Variants in AGBL2 observed in about 807,000 individuals in gnomAD.
AGBL2 encodes cytosolic carboxypeptidase 2.
In AGBL2, 87 loss-of-function variants were observed where a neutral mutation model predicts 103.0. The ratio of observed to expected loss-of-function variants is 0.84; its 90% CI spans 0.71 to 1.01. The LOEUF is 1.01. AGBL2 is among the 50% of genes least tolerant of loss of function. The pLI, the probability that AGBL2 is intolerant of heterozygous loss-of-function variation, is 0.00. For missense variants in AGBL2, 904 were observed against 1,023.5 expected (o/e 0.88, Z 1.59); for synonymous variants, 335 against 356.7 (o/e 0.94, Z 0.69).
In AGBL2 at chr11:47,690,829, C is replaced by A. The variant is rs750247007; in HGVS notation, c.878G>T (p.Arg293Leu). ...GTGTTTGTTAGTGTAGAGGTCAGTT[C>A]GCAAGGTGAGTTCATACTCATAGGT... ...VDTYEYELTL[R>L]TDLYTNKHTQ... Residue 293 changes from arginine to leucine, a missense_variant, in exon 10 of 19, where the codon CGA (arginine) becomes CTA (leucine). By Grantham distance (102) the Arg-to-Leu change is moderately radical. Coordinates refer to ENST00000525123, the MANE Select transcript of AGBL2 (RefSeq NM_024783.4). The A allele has an allele frequency of 5.0e-6, 8 of 1,611,898 alleles. No individual in the cohort carries two copies. The African/African-American group carries it at 6.7e-5, about 13-fold the overall frequency.
chr11:47,662,168 A>T (rs956999004), intron 18 of AGBL2, among the ~76,000 whole-genome samples: 7 of 151,660 alleles, frequency 4.6e-5, no homozygotes, highest in African/African-American at 9.7e-5. Flanking sequence ...TAAAGTTTTT[A>T]TATTTTATTT....
At chr11:47,692,034 C>T in intron 9 of AGBL2, 69 bp downstream of exon 9, 1 of 1,392,370 alleles carries the variant, frequency 7.2e-7, no homozygotes, top group Non-Finnish European at 9.7e-7. Flanking sequence ...ACTTCTGATT[C>T]CTAATATCAT....
chr11:47,663,133 C>T (rs778885870), intron 17 of AGBL2, 21 bp from the exon 18 acceptor site: 4 of 1,512,552 alleles, frequency 2.6e-6, no homozygotes, highest in African/African-American at 1.4e-5. Context: ...TGAACATATC[C>T]TCACTAAATT....
chr11:47,705,622 C>G lies in AGBL2; in HGVS notation c.299G>C (p.Cys100Ser), dbSNP rs1599086319. ...GCCGCGCCACTGCATCCAGCCCAGG[C>G]AAGAGTGAAAGTCTGTGTCAAAAAA... ...IEAINRDFHSCLGWMQWRGLS... is the reference protein window; with the variant it reads ...IEAINRDFHSSLGWMQWRGLS... Residue 100 changes from cysteine (C) to serine (S), a missense_variant, in exon 6 of 19, where the codon TGC (cysteine) becomes TCC (serine). Cys to Ser is a moderately radical substitution (Grantham distance 112). Transcript: ENST00000525123. The G allele has an allele frequency of 2.0e-6, 1 of 489,166 alleles. No individual in the cohort carries two copies. The allele number at this position is 489,166 out of a possible 1,614,324, so 30.3% of individuals were successfully genotyped here.
intron 12 of AGBL2, among the ~76,000 whole-genome samples, chr11:47,681,558 C>A (rs1471466753): frequency 6.6e-6 from 1 of 152,102 alleles, no homozygotes; most frequent in African/African-American, 2.4e-5. Context: ...ACCTTCACCT[C>A]CCGGGTTCAA....
At chr11:47,678,330 A>ATTATTTTTTTTTTTTT (rs1565026506) in intron 13 of AGBL2, among the ~76,000 whole-genome samples, 13 of 114,498 alleles carry the variant, frequency 1.1e-4, no homozygotes, top group South Asian at 8.1e-4. Flanking sequence ...ATTTTATTTT[A>ATTATTTTTTTTTTTTT]TTTTATTATT....
chr11:47,705,393 C>A, intron 6 of AGBL2, 128 bp downstream of exon 6: 1 of 167,526 alleles, frequency 6.0e-6, no homozygotes, highest in Non-Finnish European at 1.3e-5. Context: ...AGCCTGTAAT[C>A]CCAGAACTTT....
Position 47,679,971 on chromosome 11 carries a change from A to G in AGBL2, c.2016+2T>C. 1 of 1,586,834 alleles carries G rather than the reference A, an allele frequency of 6.3e-7. No individual in the cohort carries two copies. Among genetic ancestry groups the G allele is most frequent in the Non-Finnish European group, 8.6e-7 (1 of 1,157,196 alleles). ...TCACATTTCTTGAAACCCCATTTTT[A>G]CCTTCATTTGGTCAGGATCACAAAA... On this transcript the variant is annotated splice_donor_variant, in intron 13 of 18. Transcript: ENST00000525123. LOFTEE classifies it high-confidence loss of function.
intron 8 of AGBL2, among the ~76,000 whole-genome samples, chr11:47,696,640 T>C (rs1421575183): frequency 6.6e-6 from 1 of 152,202 alleles, no homozygotes; most frequent in Non-Finnish European, 1.5e-5. Context: ...TTTTATTTCT[T>C]CCTTGAGTCA....
chr11:47,705,708 G>A, intron 5 of AGBL2, 74 bp from the exon 6 acceptor site: 1 of 646,622 alleles, frequency 1.5e-6, no homozygotes, highest in Admixed American at 2.4e-5. Flanking sequence ...AAATGGAAAT[G>A]AAAGGGGGAA....
chr11:47,671,413 G>C lies in AGBL2; in HGVS notation c.2148-2506C>G, dbSNP rs538248409. Among the ~76,000 whole-genome samples, 5 of 152,180 alleles carry C rather than the reference G, an allele frequency of 3.3e-5. No homozygotes were observed. In the East Asian group the frequency reaches 9.7e-4, roughly 29 times the overall value. ...CGGGTGCCTGTAATTCCAGCTACTC[G>C]GGAGGCTGAGGCATGAGAATTGCTT... On this transcript the variant is annotated intron_variant, in intron 14 of 18. Coordinates refer to ENST00000525123, the MANE Select transcript of AGBL2 (RefSeq NM_024783.4).
At chr11:47,690,938 T>A in intron 9 of AGBL2, 80 bp from the exon 10 acceptor site, 8 of 1,149,142 alleles carry the variant, frequency 7.0e-6, no homozygotes, top group Non-Finnish European at 7.3e-6. Flanking sequence ...TGTTTTCTCC[T>A]GGTAAAAACA....
intron 10 of AGBL2, among the ~76,000 whole-genome samples, chr11:47,688,486 A>G (rs1296392270): frequency 6.6e-6 from 1 of 152,156 alleles, no homozygotes; most frequent in Non-Finnish European, 1.5e-5. Context: ...TCTTTGTCTC[A>G]TGATCACCCA....
intron 18 of AGBL2, among the ~76,000 whole-genome samples, chr11:47,661,228 A>G (rs2097327184): frequency 6.6e-6 from 1 of 152,108 alleles, no homozygotes; most frequent in Admixed American, 6.6e-5. Context: ...TTCATCCACT[A>G]CACTGGATTT....
intron 4 of AGBL2, among the ~76,000 whole-genome samples, chr11:47,707,431 AGTCAT>A (rs2097524561): frequency 6.6e-6 from 1 of 152,174 alleles, no homozygotes; most frequent in Non-Finnish European, 1.5e-5. Flanking sequence ...AGGAGGAGCA[AGTCAT>A]GTCTTAAATA....
intron 9 of AGBL2, 66 bp from the exon 10 acceptor site, chr11:47,690,924 ATGT>A (rs1370888637): frequency 1.3e-5 from 17 of 1,340,514 alleles, no homozygotes; most frequent in Non-Finnish European, 1.5e-5. Context: ...AATTGGGAAA[ATGT>A]TGTTTTCTCC....
intron 4 of AGBL2, 191 bp downstream of exon 4, chr11:47,710,186 C>A: frequency 1.5e-6 from 1 of 659,736 alleles, no homozygotes; most frequent in Non-Finnish European, 2.5e-6. Context: ...CCATGCCCGG[C>A]TAGAAAATAC....
intron 17 of AGBL2, among the ~76,000 whole-genome samples, chr11:47,666,284 C>T (rs1213201040): frequency 6.6e-6 from 1 of 151,524 alleles, no homozygotes; most frequent in Admixed American, 6.6e-5. Flanking sequence ...ATCCCAGCTA[C>T]TCCAGAGGCT....
chr11:47,665,454 C>G (rs1233320585), intron 17 of AGBL2, among the ~76,000 whole-genome samples: 1 of 151,950 alleles, frequency 6.6e-6, no homozygotes, highest in Admixed American at 6.6e-5. Flanking sequence ...TCTCAGCCTT[C>G]CAAAGTGCTG....
Sources: gnomAD v4.1 joint callset for allele counts (sites outside exome capture counted in the v4.1 genomes callset) on GRCh38, gnomAD v4.1.1 for gene constraint, MANE v1.5 for transcripts, NCBI Gene and HGNC (gene_info 2026-07-23, HGNC 2026-07-21) for gene names.